Variants in PTPN9 observed in about 807,000 individuals in gnomAD.
PTPN9 encodes the protein tyrosine-protein phosphatase non-receptor type 9.
A neutral mutation model predicts 69.8 loss-of-function variants in PTPN9; 26 were observed. The observed-to-expected ratio is 0.37, with a 90% confidence interval of 0.27 to 0.52. PTPN9 has a LOEUF of 0.52. Ranked by LOEUF, PTPN9 falls within the 20% of genes least tolerant of loss-of-function variation. PTPN9 has a pLI of 0.91. For synonymous variants in PTPN9, 274 were observed against 272.5 expected (o/e 1.01, Z -0.05); for missense variants, 549 against 740.3 (o/e 0.74, Z 3.00).
At chr15:75,473,025 C>G (rs2074576715) in intron 10 of PTPN9, among the ~76,000 whole-genome samples, 1 of 151,932 alleles carries the variant, frequency 6.6e-6, no homozygotes, top group Non-Finnish European at 1.5e-5. Context: ...AAGGCAGCAC[C>G]CCTCTGGAAA....
chr15:75,521,297 A>C (rs1374861604), intron 4 of PTPN9, among the ~76,000 whole-genome samples: 1 of 151,144 alleles, frequency 6.6e-6, no homozygotes, highest in Non-Finnish European at 1.5e-5. Context: ...TACAAAAAAA[A>C]AAAAAAAAAA....
chr15:75,488,977 C>A (rs559619216), intron 8 of PTPN9, among the ~76,000 whole-genome samples: 90 of 151,848 alleles, frequency 5.9e-4, no homozygotes, highest in Middle Eastern at 6.8e-3. Flanking sequence ...AGATCGAGAC[C>A]ATCCTGGCTA....
At chr15:75,522,166 C>A (rs942217862) in intron 4 of PTPN9, among the ~76,000 whole-genome samples, 2 of 152,124 alleles carry the variant, frequency 1.3e-5, no homozygotes, top group Non-Finnish European at 2.9e-5. Context: ...TTAGAACCAG[C>A]TGGACTAACA....
At chr15:75,528,700 T>C (rs2074941863) in intron 1 of PTPN9, among the ~76,000 whole-genome samples, 1 of 150,428 alleles carries the variant, frequency 6.6e-6, no homozygotes, top group Admixed American at 6.6e-5. Context: ...AGCACATTTT[T>C]TTTTTTTTTT....
At chr15:75,513,920 A>T (rs1310692064) in intron 5 of PTPN9, among the ~76,000 whole-genome samples, 1 of 150,400 alleles carries the variant, frequency 6.6e-6, no homozygotes, top group African/African-American at 2.4e-5. Flanking sequence ...CCAACATGGC[A>T]AAACCCCATC....
At chr15:75,472,840 C>T (rs563703807) in intron 10 of PTPN9, among the ~76,000 whole-genome samples, 95 of 150,270 alleles carry the variant, frequency 6.3e-4, no homozygotes, top group African/African-American at 2.1e-3. Flanking sequence ...CCTAGCTATT[C>T]GGGAGGCTGA....
rs918009021 is a variant in PTPN9 at position 75,576,105 on chromosome 15, G to A, written c.63+2609C>T. Among the ~76,000 whole-genome samples the A allele has an allele frequency of 7.2e-5, 10 of 138,806 alleles. No homozygotes were observed. The South Asian group carries it at 7.9e-4, about 11-fold the overall frequency. 91.1% of individuals were successfully genotyped at this position (138,806 alleles called of 152,430 possible). A position where few individuals can be genotyped will look rare whatever the true frequency, so the allele number is the denominator to read the frequency against. The stretch of plus-strand genomic sequence containing the variant: ...CTTAGCTGGGCATGGTGGCACGCAC[G>A]CCTGAAGTCACAGCTACTTGGGAGG... On this transcript the variant is annotated intron_variant, in intron 1 of 12. Coordinates refer to ENST00000618819, the MANE Select transcript of PTPN9 (RefSeq NM_002833.4).
intron 1 of PTPN9, among the ~76,000 whole-genome samples, chr15:75,575,657 CGCCTGT>C (rs1464756491): frequency 2.0e-5 from 3 of 151,842 alleles, no homozygotes; most frequent in African/African-American, 7.3e-5. Flanking sequence ...CGGTGGTTCA[CGCCTGT>C]AATCCCAGCA....
intron 8 of PTPN9, among the ~76,000 whole-genome samples, chr15:75,485,061 G>A (rs150675156): frequency 3.9e-5 from 6 of 152,160 alleles, no homozygotes; most frequent in East Asian, 3.9e-4. Context: ...GACCTCATAC[G>A]ATTACTGTCC....
Position 75,468,620 on chromosome 15 carries a change from A to C in PTPN9, c.*149T>G. ...CACCACATTTATCTAGCCAAAGGGA[A>C]AGGCTGCCTTGCGTGCACACGTGTG... On this transcript the variant is annotated 3_prime_UTR_variant, in exon 13 of 13. Coordinates refer to ENST00000618819, the MANE Select transcript of PTPN9 (RefSeq NM_002833.4). 1 of 654,668 alleles carries C rather than the reference A, an allele frequency of 1.5e-6. No individual in the cohort carries two copies. Among genetic ancestry groups the C allele is most frequent in the Non-Finnish European group, 2.7e-6 (1 of 375,300 alleles). The allele number at this position is 654,668 out of a possible 1,614,324, so 40.6% of individuals were successfully genotyped here. A position where few individuals can be genotyped will look rare whatever the true frequency, so the allele number is the denominator to read the frequency against.
chr15:75,532,401 CAAA>C (rs577778299), intron 1 of PTPN9, among the ~76,000 whole-genome samples: 1 of 133,290 alleles, frequency 7.5e-6, no homozygotes. Flanking sequence ...GACTCTGTCT[CAAA>C]AAAAAAAAAA....
intron 1 of PTPN9, among the ~76,000 whole-genome samples, chr15:75,576,977 G>GA (rs1490517869): frequency 2.0e-5 from 3 of 151,908 alleles, no homozygotes; most frequent in Non-Finnish European, 4.4e-5. Flanking sequence ...ATATTTTGTA[G>GA]AAAAAAGAGA....
intron 7 of PTPN9, among the ~76,000 whole-genome samples, chr15:75,496,442 CATAGT>C (rs1157433526): frequency 1.3e-5 from 2 of 150,284 alleles, no homozygotes; most frequent in Non-Finnish European, 3.0e-5. Flanking sequence ...AAAGTGGAGA[CATAGT>C]ATAAGAGCTA....
chr15:75,524,581 C>A (rs1244529669), intron 2 of PTPN9, among the ~76,000 whole-genome samples: 1 of 152,014 alleles, frequency 6.6e-6, no homozygotes, highest in Non-Finnish European at 1.5e-5. Context: ...AGTTCGAGAG[C>A]AGCCTGGCCA....
At chr15:75,497,916 G>A (rs1015191275) in intron 7 of PTPN9, among the ~76,000 whole-genome samples, 5 of 151,892 alleles carry the variant, frequency 3.3e-5, no homozygotes, top group South Asian at 2.1e-4. Flanking sequence ...TCAGCCCAGC[G>A]CAGTGGCTCA....
intron 1 of PTPN9, among the ~76,000 whole-genome samples, chr15:75,546,512 A>C (rs1032772997): frequency 6.6e-6 from 1 of 151,788 alleles, no homozygotes; most frequent in Admixed American, 6.6e-5. Context: ...GCATGGTGGC[A>C]CATGCCTGTA....
At position 75,490,203 on chromosome 15, in the gene PTPN9, T is replaced by G. The variant is rs766812023; in HGVS notation, c.1062+5A>C. 2 of 1,593,786 alleles carry G rather than the reference T, an allele frequency of 1.3e-6. No individual in the cohort carries two copies. ...CACCTAAAAAGATTACATTTATCTGTCTACCTGAGTATGGCCACTTCGCTT... is the reference window on the plus strand; with the variant it reads ...CACCTAAAAAGATTACATTTATCTGGCTACCTGAGTATGGCCACTTCGCTT... On this transcript the variant is annotated splice_donor_5th_base_variant and intron_variant, in intron 8 of 12. Coordinates refer to ENST00000618819, the MANE Select transcript of PTPN9 (RefSeq NM_002833.4).
rs2075097012 is a variant in PTPN9, at chr15:75,559,904, C to A, written c.63+18810G>T. On this transcript the variant is annotated intron_variant, in intron 1 of 12. Coordinates refer to ENST00000618819, the MANE Select transcript of PTPN9 (RefSeq NM_002833.4). ...CTTGTAATCCCGGCACTTTGGGAGG[C>A]CAAGGTGGGCAGATCATTTGAGGTC... Among the ~76,000 whole-genome samples, 8 of 152,028 alleles carry A rather than the reference C, an allele frequency of 5.3e-5. No homozygotes were observed. In the South Asian group the frequency reaches 1.7e-3, roughly 32 times the overall value.
In PTPN9 at chr15:75,469,785, G is replaced by A. The variant is rs760939142; in HGVS notation, c.1567+7C>T. The A allele has an allele frequency of 2.5e-5, 40 of 1,612,038 alleles. No homozygotes were observed. Among genetic ancestry groups the A allele is most frequent in the South Asian group, 2.1e-4 (19 of 90,988 alleles). ...GCAGACACCAAGAGCTGCATTAGGT[G>A]CGTTACCTGTCCTGCCAATGCCTGC... On this transcript the variant is annotated splice_region_variant and intron_variant, in intron 12 of 12. Coordinates refer to ENST00000618819, the MANE Select transcript of PTPN9 (RefSeq NM_002833.4).
Sources: allele counts gnomAD v4.1 joint callset (sites outside exome capture counted in the v4.1 genomes callset), GRCh38; gene constraint gnomAD v4.1.1; transcripts MANE v1.5; gene names NCBI Gene and HGNC (gene_info 2026-07-23, HGNC 2026-07-21).